Variants in ABCA13 observed in about 807,000 individuals in gnomAD.
ABCA13 encodes ATP-binding cassette sub-family A member 13.
Under a neutral mutation model 478.7 loss-of-function variants are expected in ABCA13, and 476 were observed. The ratio of observed to expected loss-of-function variants is 0.99; its 90% CI spans 0.92 to 1.07. The LOEUF (loss-of-function observed/expected upper bound fraction) is 1.07, where lower values mean the gene tolerates loss of function less well. Among genes scored for constraint, ABCA13 ranks in the 50% least tolerant of loss-of-function variants. The pLI is 0.00. For synonymous variants in ABCA13, 2,252 were observed against 2,158.9 expected (o/e 1.04, Z -1.20); for missense variants, 6,060 against 5,910.6 (o/e 1.03, Z -0.83).
At chr7:48,312,947 C>G in intron 24 of ABCA13, 120 bp from the exon 25 acceptor site, 1 of 1,100,504 alleles carries the variant, frequency 9.1e-7, no homozygotes, top group Admixed American at 3.4e-5. Context: ...AAAGGCGTCT[C>G]TGAAGTTCAA....
rs145024405 is a variant in ABCA13, at chr7:48,295,539, C to T, written c.8956-161C>T. Reference sequence around the variant, plus strand: ...AGCGGAGCCAGGAGTAAAATCTGGGCTTCTGTATTTCCACAGCCAAGGGCT... The same window carrying T: ...AGCGGAGCCAGGAGTAAAATCTGGGTTTCTGTATTTCCACAGCCAAGGGCT... On this transcript the variant is annotated intron_variant, in intron 20 of 61. Coordinates refer to ENST00000435803, the MANE Select transcript of ABCA13 (RefSeq NM_152701.5). Among the ~76,000 whole-genome samples, 853 of 152,316 alleles carry T rather than the reference C, an allele frequency of 5.6e-3. 8 individuals are homozygous for T. The highest frequency in any genetic ancestry group is 0.016 in the South Asian group (76 of 4,828).
chr7:48,554,822 T>TTA (rs530087292), intron 55 of ABCA13, among the ~76,000 whole-genome samples: 1 of 147,368 alleles, frequency 6.8e-6, no homozygotes, highest in African/African-American at 2.5e-5. Flanking sequence ...ATTATTATTA[T>TTA]TTATTATTAT....
intron 7 of ABCA13, 45 bp downstream of exon 7, chr7:48,230,000 T>G: frequency 6.4e-7 from 1 of 1,570,142 alleles, no homozygotes; most frequent in Non-Finnish European, 8.7e-7. Context: ...AACGTTTAAC[T>G]ACTTAAATTC....
intron 3 of ABCA13, among the ~76,000 whole-genome samples, chr7:48,202,926 T>G (rs1033153213): frequency 4.6e-5 from 7 of 152,210 alleles, no homozygotes; most frequent in Non-Finnish European, 8.8e-5. Context: ...TCCTCAGCCC[T>G]TGGGCGGTCG....
chr7:48,444,495 A>C (rs1235668408), intron 42 of ABCA13, among the ~76,000 whole-genome samples: 3 of 151,954 alleles, frequency 2.0e-5, no homozygotes, highest in Non-Finnish European at 2.9e-5. Context: ...GCAAAACTTT[A>C]TTTCTTTGGA....
In ABCA13 at chr7:48,629,550, T is replaced by A. The variant is rs192236103; in HGVS notation, c.14838-13738T>A. Among the ~76,000 whole-genome samples, 53 of 95,442 alleles carry A rather than the reference T, an allele frequency of 5.6e-4. No homozygotes were observed. In the East Asian group the frequency reaches 0.012, roughly 22 times the overall value. The allele number at this position is 95,442 out of a possible 152,430, so 62.6% of individuals were successfully genotyped here. A position where few individuals can be genotyped will look rare whatever the true frequency, so the allele number is the denominator to read the frequency against. The stretch of plus-strand genomic sequence containing the variant: ...ATTTTTATAAAAGAACAAAAAAAAT[T>A]CCTAAAGCATCAGTTACATTTTGGC... On this transcript the variant is annotated intron_variant, in intron 59 of 61. Transcript: ENST00000435803.
intron 7 of ABCA13, among the ~76,000 whole-genome samples, chr7:48,231,368 C>G (rs1040265163): frequency 6.6e-6 from 1 of 152,080 alleles, no homozygotes; most frequent in Non-Finnish European, 1.5e-5. Flanking sequence ...GATGAGGGAG[C>G]ATTTCCAGGA....
intron 3 of ABCA13, among the ~76,000 whole-genome samples, chr7:48,218,791 G>A (rs1786880068): frequency 6.6e-6 from 1 of 152,266 alleles, no homozygotes; most frequent in African/African-American, 2.4e-5. Flanking sequence ...CTTCATTATA[G>A]GTTGTGAGAA....
In ABCA13 at chr7:48,279,354, G is replaced by A; in HGVS notation, c.8160G>A (p.Leu2720=). The A allele has an allele frequency of 1.3e-6, 2 of 1,587,084 alleles. No individual in the cohort carries two copies. Among genetic ancestry groups the A allele is most frequent in the Non-Finnish European group, 1.7e-6 (2 of 1,164,568 alleles). ...WEIIHEVIPF[L]DKILSQNSTE... ...TAATTCATGAAGTGATCCCTTTTTTGGATAAAATATTATCACAAAACAGCA... is the reference window on the plus strand; with the variant it reads ...TAATTCATGAAGTGATCCCTTTTTTAGATAAAATATTATCACAAAACAGCA... Residue 2720 remains leucine, a synonymous_variant, in exon 18 of 62, where the codon TTG becomes TTA. Transcript: ENST00000435803.
intron 42 of ABCA13, among the ~76,000 whole-genome samples, chr7:48,431,357 CAACAACA>C (rs1463756161): frequency 2.0e-5 from 3 of 151,444 alleles, no homozygotes; most frequent in African/African-American, 7.3e-5. Context: ...ACAACAACAA[CAACAACA>C]ACAACAACAA....
rs1795754934 is a variant in ABCA13, at chr7:48,272,528, G to A, written c.2862G>A (p.Gln954=). The change falls in exon 17 of 62, where the codon CAG becomes CAA. Residue 954 remains glutamine, a synonymous_variant. Coordinates refer to ENST00000435803, the MANE Select transcript of ABCA13 (RefSeq NM_152701.5). ...ILTHIHLNVF[Q]DKDSALLLQI... ...CTCACATACACCTAAATGTCTTCCAGGACAAGGATTCAGCTTTACTTCTGC... is the reference window on the plus strand; with the variant it reads ...CTCACATACACCTAAATGTCTTCCAAGACAAGGATTCAGCTTTACTTCTGC... The A allele has an allele frequency of 1.9e-6, 3 of 1,613,682 alleles. No individual in the cohort carries two copies.
intron 41 of ABCA13, among the ~76,000 whole-genome samples, chr7:48,420,387 A>G (rs1330887636): frequency 2.0e-5 from 3 of 152,178 alleles, no homozygotes; most frequent in Non-Finnish European, 2.9e-5. Flanking sequence ...TTTGTGTGGG[A>G]TGGGACCATA....
intron 8 of ABCA13, among the ~76,000 whole-genome samples, 152 bp from the exon 9 acceptor site, chr7:48,239,089 C>T (rs1790410705): frequency 6.6e-6 from 1 of 152,042 alleles, no homozygotes; most frequent in African/African-American, 2.4e-5. Flanking sequence ...CAAGTCTTCC[C>T]TCAAGGTAAA....
intron 59 of ABCA13, among the ~76,000 whole-genome samples, chr7:48,616,495 G>A (rs1006541764): frequency 6.6e-6 from 1 of 152,126 alleles, no homozygotes; most frequent in Admixed American, 6.5e-5. Context: ...TCTGATTTAT[G>A]TTTACAAAAG....
At chr7:48,540,377 A>G (rs946816422) in intron 55 of ABCA13, among the ~76,000 whole-genome samples, 3 of 152,198 alleles carry the variant, frequency 2.0e-5, no homozygotes, top group Non-Finnish European at 4.4e-5. Flanking sequence ...ATAAATTTAC[A>G]TACAAATAAT....
chr7:48,454,209 T>G (rs990515250), intron 42 of ABCA13, among the ~76,000 whole-genome samples: 2 of 152,214 alleles, frequency 1.3e-5, no homozygotes, highest in African/African-American at 4.8e-5. Flanking sequence ...TGAGTCCTGC[T>G]TTGGACGTCG....
At chr7:48,397,230 A>G (rs1224599845) in intron 38 of ABCA13, among the ~76,000 whole-genome samples, 2 of 152,158 alleles carry the variant, frequency 1.3e-5, no homozygotes, top group Non-Finnish European at 1.5e-5. Flanking sequence ...AGAATACAGC[A>G]TATTGCTAGT....
chr7:48,588,075 A>C (rs1789368412), intron 57 of ABCA13, among the ~76,000 whole-genome samples: 1 of 152,152 alleles, frequency 6.6e-6, no homozygotes. Flanking sequence ...TTCTTCATCA[A>C]ATGAATACAC....
chr7:48,276,157 C>T lies in ABCA13; in HGVS notation c.6491C>T (p.Ala2164Val), dbSNP rs1796277011. ...GAAGATATAGCTTTGTTAGCCAAAG[C>T]TATTGCTACTTTTTGGGGCTCTTTA... ...STEDIALLAK[A>V]IATFWGSLKN... The change falls in exon 17 of 62, where the codon GCT becomes GTT. Residue 2164 changes from alanine (A) to valine (V), a missense_variant. Ala to Val is a moderately conservative substitution (Grantham distance 64, BLOSUM62 0). Around this residue, in one of 3 missense-constraint regions of ABCA13, gnomAD observed 4,423 missense variants for 4,309.1 expected, o/e 1.03. Transcript: ENST00000435803. 6.3e-7 allele frequency: 1 copy of T among 1,596,346 alleles called. No homozygotes were observed. Among genetic ancestry groups the T allele is most frequent in the Admixed American group, 1.7e-5 (1 of 57,444 alleles).
Sources: gnomAD v4.1 joint callset for allele counts (sites outside exome capture counted in the v4.1 genomes callset) on GRCh38, gnomAD v4.1.1 for gene constraint, gnomAD v4.1.1 regional missense constraint, MANE v1.5 for transcripts, NCBI Gene and HGNC (gene_info 2026-07-23, HGNC 2026-07-21) for gene names.